MET: variants seen among roughly 807,000 people sequenced by gnomAD.
The protein encoded by MET is MET proto-oncogene, receptor tyrosine kinase.
In MET, 48 loss-of-function variants were observed where a neutral mutation model predicts 133.1. The ratio of observed to expected loss-of-function variants is 0.36; its 90% CI spans 0.29 to 0.46. MET has a LOEUF of 0.46. MET is among the 20% of genes least tolerant of loss of function. The probability of loss-of-function intolerance (pLI) is 1.00; values close to 1 mark genes in which losing one functional copy is unlikely to be tolerated. For synonymous variants in MET, 628 were observed against 616.5 expected (o/e 1.02, Z -0.28); for missense variants, 1,442 against 1,695.9 (o/e 0.85, Z 2.63).
intron 19 of MET, among the ~76,000 whole-genome samples, chr7:116,793,185 T>C (rs1584975425): frequency 6.6e-6 from 1 of 151,950 alleles, no homozygotes; most frequent in East Asian, 1.9e-4. Flanking sequence ...TTCTTTTTTT[T>C]TTTTTTTGAG....
chr7:116,738,494 C>G lies in MET; in HGVS notation c.1393-1456C>G, dbSNP rs1250268061. On this transcript the variant is annotated intron_variant, in intron 3 of 20. Transcript: ENST00000397752. ...TTTAGGAAATAACAATAGTTTCCAA[C>G]CTTTCCCATCCTGACCAAGTGACCC... Among the ~76,000 whole-genome samples, 4 of 152,182 alleles carry G rather than the reference C, an allele frequency of 2.6e-5. No individual in the cohort carries two copies. The South Asian group carries it at 6.2e-4, about 24-fold the overall frequency.
intron 2 of MET, chr7:116,724,969 C>T (rs1562899199): frequency 1.9e-5 from 16 of 842,648 alleles, no homozygotes; most frequent in Non-Finnish European, 2.4e-5. Flanking sequence ...GGAACAAATG[C>T]TAAGGTCATG....
At chr7:116,685,258 A>G (rs1247607392) in intron 1 of MET, among the ~76,000 whole-genome samples, 1 of 152,118 alleles carries the variant, frequency 6.6e-6, no homozygotes, top group African/African-American at 2.4e-5. Context: ...ATCCACTCTC[A>G]TGGCTTTTCA....
chr7:116,674,666 G>A (rs144944341), intron 1 of MET, among the ~76,000 whole-genome samples: 192 of 152,206 alleles, frequency 1.3e-3, no homozygotes, highest in African/African-American at 4.2e-3. Flanking sequence ...CCAAAGACAT[G>A]GCAACACCCC....
At chr7:116,677,187 A>G (rs1270587436) in intron 1 of MET, among the ~76,000 whole-genome samples, 2 of 152,086 alleles carry the variant, frequency 1.3e-5, no homozygotes, top group Admixed American at 6.5e-5. Flanking sequence ...CTTCCATAGT[A>G]TAAATCTAAA....
At chr7:116,766,049 T>G (rs1313961511) in intron 11 of MET, among the ~76,000 whole-genome samples, 1 of 152,250 alleles carries the variant, frequency 6.6e-6, no homozygotes, top group Non-Finnish European at 1.5e-5. Flanking sequence ...GCTATTTATA[T>G]ATCTATGCAG....
chr7:116,698,997 A>C, intron 1 of MET, 74 bp from the exon 2 acceptor site: 1 of 1,600,418 alleles, frequency 6.2e-7, no homozygotes, highest in Non-Finnish European at 8.5e-7. Context: ...TGATAGATTA[A>C]ATGGTATAGG....
At chr7:116,784,769 AT>A (rs756436546) in intron 19 of MET, among the ~76,000 whole-genome samples, 43 of 152,274 alleles carry the variant, frequency 2.8e-4, no homozygotes, top group Non-Finnish European at 5.0e-4. Flanking sequence ...TCCTTCTCAC[AT>A]TTCAAAACAC....
intron 1 of MET, among the ~76,000 whole-genome samples, chr7:116,678,977 G>T (rs947317611): frequency 3.3e-5 from 5 of 152,222 alleles, no homozygotes; most frequent in Non-Finnish European, 7.4e-5. Context: ...ATCTGATTAG[G>T]TCTAAAATCT....
At position 116,705,199 on chromosome 7, in the gene MET, T is replaced by C. The variant is rs370874995; in HGVS notation, c.1200+4915T>C. ...TAGATGAGTAAAATCGAGTTACATT[T>C]AAGTTGTAATGGAAGAAAATAATTG... is the stretch of plus-strand genomic sequence containing the variant. On this transcript the variant is annotated intron_variant, in intron 2 of 20. Transcript: ENST00000397752. 4.4e-4 allele frequency among the ~76,000 whole-genome samples: 67 copies of C among 152,234 alleles called. No individual in the cohort carries two copies. The East Asian group carries it at 5.2e-3, about 12-fold the overall frequency.
chr7:116,673,219 T>C (rs1330738577), intron 1 of MET, among the ~76,000 whole-genome samples: 1 of 152,226 alleles, frequency 6.6e-6, no homozygotes, highest in African/African-American at 2.4e-5. Context: ...TTTCCCTGAC[T>C]ATTGTCAATG....
At chr7:116,737,232 C>G (rs1280533370) in intron 3 of MET, among the ~76,000 whole-genome samples, 1 of 152,178 alleles carries the variant, frequency 6.6e-6, no homozygotes. Context: ...CATGCTAACT[C>G]GTGATCAAAA....
In MET at chr7:116,788,125, C is replaced by T. The variant is rs567581042; in HGVS notation, c.3798+4656C>T. On this transcript the variant is annotated intron_variant, in intron 19 of 20. Coordinates refer to ENST00000397752, the MANE Select transcript of MET (RefSeq NM_000245.4). The stretch of plus-strand genomic sequence containing the variant: ...TTTATATGAAATTTCTAGAAAGAGG[C>T]AGAACTACAGAGTCAGAAAACAAAT... 1.3e-4 allele frequency among the ~76,000 whole-genome samples: 20 copies of T among 152,150 alleles called. 1 individual carries two copies. Among genetic ancestry groups the T allele is most frequent in the African/African-American group, 4.8e-4 (20 of 41,508 alleles).
At chr7:116,688,647 TA>T (rs1796662512) in intron 1 of MET, among the ~76,000 whole-genome samples, 1 of 152,236 alleles carries the variant, frequency 6.6e-6, no homozygotes, top group Non-Finnish European at 1.5e-5. Context: ...CAACCATTCT[TA>T]AAAGGACAAA....
chr7:116,743,432 C>G (rs1793541219), intron 5 of MET, among the ~76,000 whole-genome samples: 1 of 152,202 alleles, frequency 6.6e-6, no homozygotes, highest in African/African-American at 2.4e-5. Context: ...TGGTCTAGCT[C>G]AGTGGATCCC....
Position 116,741,031 on chromosome 7 carries a change from A to C in MET, c.1701+6A>C, listed in dbSNP as rs1183675814. Reference sequence around the variant, plus strand: ...GTCTGCCTGCAATCTACAAGGTAGGAATCTCTAACAGCTGGCATACATGTT... The same window carrying C: ...GTCTGCCTGCAATCTACAAGGTAGGCATCTCTAACAGCTGGCATACATGTT... On this transcript the variant is annotated splice_donor_region_variant and intron_variant, in intron 5 of 20. Coordinates refer to ENST00000397752, the MANE Select transcript of MET (RefSeq NM_000245.4). 1 of 1,611,682 alleles carries C rather than the reference A, an allele frequency of 6.2e-7. No individual in the cohort carries two copies. The highest frequency in any genetic ancestry group is 1.7e-5 in the Admixed American group (1 of 59,786).
At chr7:116,684,325 G>T (rs555726714) in intron 1 of MET, among the ~76,000 whole-genome samples, 9 of 152,202 alleles carry the variant, frequency 5.9e-5, no homozygotes, top group African/African-American at 2.2e-4. Flanking sequence ...TTTGTATATT[G>T]ATTGATTCTG....
chr7:116,730,822 T>C (rs1177189009), intron 2 of MET, among the ~76,000 whole-genome samples: 1 of 152,144 alleles, frequency 6.6e-6, no homozygotes, highest in African/African-American at 2.4e-5. Flanking sequence ...TTGTTGAATC[T>C]GAGGTCTCTG....
intron 1 of MET, among the ~76,000 whole-genome samples, chr7:116,684,810 AT>A (rs993178168): frequency 1.4e-4 from 21 of 152,136 alleles, no homozygotes; most frequent in South Asian, 1.0e-3. Flanking sequence ...AGGGGTTGAC[AT>A]TTTTTTTCAG....
Sources: allele counts gnomAD v4.1 joint callset (sites outside exome capture counted in the v4.1 genomes callset), GRCh38; gene constraint gnomAD v4.1.1; transcripts MANE v1.5; gene names NCBI Gene and HGNC (gene_info 2026-07-23, HGNC 2026-07-21).